The following GAS7 variants were observed in gnomAD, a reference collection of about 807,000 sequenced individuals.
The protein encoded by GAS7 is growth arrest specific 7.
A neutral mutation model predicts 71.1 loss-of-function variants in GAS7; 28 were observed. The ratio of observed to expected loss-of-function variants is 0.39; its 90% CI spans 0.29 to 0.54. GAS7 has a LOEUF of 0.54. GAS7 is among the 20% of genes least tolerant of loss of function. The pLI, the probability that GAS7 is intolerant of heterozygous loss-of-function variation, is 0.62. For missense variants in GAS7, 436 were observed against 627.8 expected, an observed-to-expected ratio of 0.69 and a Z score of 3.27; for synonymous variants, 258 against 245.8, an observed-to-expected ratio of 1.05 and a Z score of -0.46.
At position 10,096,811 on chromosome 17, in the gene GAS7, T is replaced by C. The variant is rs772936273; in HGVS notation, c.184-76914A>G. 2.0e-5 allele frequency among the ~76,000 whole-genome samples: 3 copies of C among 152,390 alleles called. 1 individual carries two copies. The highest frequency in any genetic ancestry group is 1.5e-5 in the Non-Finnish European group (1 of 68,036). ...CGCACATCCTGACATCTTTGGATCC[T>C]GTAGCCACAGAACCTACGGATCCAC... On this transcript the variant is annotated intron_variant, in intron 1 of 13. Transcript: ENST00000432992.
At chr17:10,058,056 T>G (rs528643431) in intron 1 of GAS7, among the ~76,000 whole-genome samples, 12 of 152,050 alleles carry the variant, frequency 7.9e-5, no homozygotes, top group African/African-American at 2.9e-4. Flanking sequence ...GCAGCATGCT[T>G]GTTAAGAGTC....
At chr17:10,035,447 G>A (rs2072725234) in intron 1 of GAS7, among the ~76,000 whole-genome samples, 1 of 152,242 alleles carries the variant, frequency 6.6e-6, no homozygotes, top group Non-Finnish European at 1.5e-5. Context: ...AAGCACTGCT[G>A]TGGACGGTCC....
At chr17:10,174,019 T>C (rs1388238018) in intron 1 of GAS7, among the ~76,000 whole-genome samples, 2 of 152,196 alleles carry the variant, frequency 1.3e-5, no homozygotes, top group Non-Finnish European at 2.9e-5. Flanking sequence ...TTATACTGGC[T>C]GAACTGTTCA....
intron 1 of GAS7, among the ~76,000 whole-genome samples, chr17:10,067,330 C>T (rs938607057): frequency 6.6e-6 from 1 of 152,114 alleles, no homozygotes; most frequent in Non-Finnish European, 1.5e-5. Flanking sequence ...CTGCAACCTC[C>T]GCCTCCTGGG....
intron 1 of GAS7, among the ~76,000 whole-genome samples, chr17:10,130,908 G>A (rs1201759886): frequency 1.3e-5 from 2 of 152,192 alleles, no homozygotes; most frequent in Non-Finnish European, 2.9e-5. Context: ...TGAGGTGCTG[G>A]AAATGTTCTA....
At chr17:10,067,573 T>C (rs2073295239) in intron 1 of GAS7, among the ~76,000 whole-genome samples, 1 of 152,096 alleles carries the variant, frequency 6.6e-6, no homozygotes. Context: ...CTCAGCCCTA[T>C]ACCCCCACCC....
Position 9,969,565 on chromosome 17 carries a change from G to A in GAS7, c.471+112C>T. On this transcript the variant is annotated intron_variant, in intron 4 of 13. Transcript: ENST00000432992. The surrounding 1 kb of genome is among the most constrained non-coding windows in gnomAD (Gnocchi z 5.5). Reference sequence around the variant, plus strand: ...CAGACACAGCAACCACTTTCTACCTGGGGGCAGAACTGGGCTGCAGCCACC... The same window carrying A: ...CAGACACAGCAACCACTTTCTACCTAGGGGCAGAACTGGGCTGCAGCCACC... 2.9e-6 allele frequency: 2 copies of A among 680,590 alleles called. No homozygotes were observed. Among genetic ancestry groups the A allele is most frequent in the Non-Finnish European group, 2.7e-6 (1 of 371,126 alleles). The allele number at this position is 680,590 out of a possible 1,614,324, so 42.2% of individuals were successfully genotyped here. A position where few individuals can be genotyped will look rare whatever the true frequency, so the allele number is the denominator to read the frequency against.
At chr17:9,992,421 G>C (rs956034453) in intron 2 of GAS7, among the ~76,000 whole-genome samples, 1 of 152,058 alleles carries the variant, frequency 6.6e-6, no homozygotes, top group African/African-American at 2.4e-5. Flanking sequence ...TGAGGAGAAA[G>C]GAGAAGGCAC....
chr17:10,006,161 G>C (rs1301597169), intron 2 of GAS7, among the ~76,000 whole-genome samples: 1 of 152,004 alleles, frequency 6.6e-6, no homozygotes, highest in Non-Finnish European at 1.5e-5. Context: ...AGAGAAAAAT[G>C]AAAGAAGAAA....
At position 10,129,777 on chromosome 17, in the gene GAS7, T is replaced by C. The variant is rs188732763; in HGVS notation, c.183+68431A>G. ...CCACGTATCTGATAAGGGACTTTTA[T>C]CTAGAATATATAAAGAACACTTACA... On this transcript the variant is annotated intron_variant, in intron 1 of 13. Coordinates refer to ENST00000432992, the MANE Select transcript of GAS7 (RefSeq NM_201433.2). 1.5e-3 allele frequency among the ~76,000 whole-genome samples: 235 copies of C among 152,326 alleles called. 7 individuals carry two copies. The South Asian group carries it at 0.032, about 21-fold the overall frequency.
At chr17:9,930,149 C>G (rs914040126) in intron 9 of GAS7, among the ~76,000 whole-genome samples, 6 of 152,190 alleles carry the variant, frequency 3.9e-5, no homozygotes, top group Non-Finnish European at 7.3e-5. Context: ...CAGAAAATAC[C>G]AGAGTACATT....
chr17:9,968,968 A>T (rs2069838210), intron 4 of GAS7, among the ~76,000 whole-genome samples: 1 of 152,194 alleles, frequency 6.6e-6, no homozygotes, highest in South Asian at 2.1e-4. Flanking sequence ...TTATGGGTAG[A>T]CTAAATAAGG....
intron 1 of GAS7, among the ~76,000 whole-genome samples, chr17:10,068,257 T>G (rs1364968443): frequency 6.6e-6 from 1 of 152,076 alleles, no homozygotes; most frequent in African/African-American, 2.4e-5. Flanking sequence ...TTCCCTAAGT[T>G]TGATCCTAGG....
chr17:10,068,732 C>T (rs753286130), intron 1 of GAS7, among the ~76,000 whole-genome samples: 3 of 152,044 alleles, frequency 2.0e-5, no homozygotes, highest in Non-Finnish European at 4.4e-5. Flanking sequence ...CCACTGCAAT[C>T]CAGCCTGGGT....
intron 1 of GAS7, among the ~76,000 whole-genome samples, chr17:10,174,621 G>A (rs1033206849): frequency 2.6e-5 from 4 of 152,080 alleles, no homozygotes; most frequent in East Asian, 1.9e-4. Context: ...GAACCCAGGA[G>A]GCGGAGCTTG....
At chr17:9,996,846 G>C (rs11652658) in intron 2 of GAS7, among the ~76,000 whole-genome samples, 34,792 of 151,486 alleles carry the variant, frequency 0.23, 4,538 homozygotes, top group Middle Eastern at 0.34. Context: ...CTCCATGTTG[G>C]CCAGGCTGGT....
chr17:10,146,456 C>T (rs984048858), intron 1 of GAS7, among the ~76,000 whole-genome samples: 11 of 152,140 alleles, frequency 7.2e-5, no homozygotes, highest in African/African-American at 2.7e-4. Flanking sequence ...TCCAGAGCCT[C>T]GCCACTTAGT....
intron 2 of GAS7, among the ~76,000 whole-genome samples, chr17:10,002,182 C>T (rs1364598635): frequency 1.3e-5 from 2 of 152,198 alleles, no homozygotes; most frequent in Admixed American, 1.3e-4. Context: ...AGCCAGAAAT[C>T]TGAAATCAAG....
Position 9,918,155 on chromosome 17 carries a change from C to A in GAS7, c.1219-56G>T, listed in dbSNP as rs2067659143. The A allele has an allele frequency of 8.6e-6, 11 of 1,284,080 alleles. No individual in the cohort carries two copies. In the Admixed American group the frequency reaches 1.3e-4, roughly 15 times the overall value. The allele number at this position is 1,284,080 out of a possible 1,614,324, so 79.5% of individuals were successfully genotyped here. ...GAGCACGTCCCCTCCACTTGGGGGT[C>A]CCCCCACCAAGACCACAAAACGCAA... On this transcript the variant is annotated intron_variant, in intron 12 of 13. Coordinates refer to ENST00000432992, the MANE Select transcript of GAS7 (RefSeq NM_201433.2).
Sources: gnomAD v4.1 joint callset for allele counts (sites outside exome capture counted in the v4.1 genomes callset) on GRCh38, gnomAD v4.1.1 for gene constraint, Gnocchi (gnomAD v3.1) non-coding constraint, MANE v1.5 for transcripts, NCBI Gene and HGNC (gene_info 2026-07-23, HGNC 2026-07-21) for gene names.